Variants in NEBL observed in about 807,000 individuals in gnomAD.
NEBL encodes nebulette.
A neutral mutation model predicts 140.2 loss-of-function variants in NEBL; 122 were observed. That is an observed-to-expected ratio of 0.87 (90% confidence interval 0.75 to 1.01). The LOEUF (loss-of-function observed/expected upper bound fraction) is 1.01. Among genes scored for constraint, NEBL ranks in the 50% least tolerant of loss-of-function variants. The pLI is 0.00. For synonymous variants in NEBL, 436 were observed against 398.9 expected, an observed-to-expected ratio of 1.09 and a Z score of -1.11; for missense variants, 1,365 against 1,231.3, an observed-to-expected ratio of 1.11 and a Z score of -1.62.
intron 21 of NEBL, 156 bp from the exon 22 acceptor site, chr10:20,815,873 A>G (rs576612991): frequency 1.5e-6 from 1 of 653,378 alleles, no homozygotes; most frequent in South Asian, 1.7e-5. Context: ...GGCTCAGGCA[A>G]TCCTCCCACC....
chr10:21,074,050 G>T (rs560781957), intron 2 of NEBL, among the ~76,000 whole-genome samples: 1 of 152,256 alleles, frequency 6.6e-6, no homozygotes, highest in African/African-American at 2.4e-5. Context: ...ACTCCAGCCT[G>T]GGCGACAGAG....
At chr10:21,029,260 A>T in intron 2 of NEBL, 1 of 1,578,918 alleles carries the variant, frequency 6.3e-7, no homozygotes, top group Non-Finnish European at 8.7e-7. Context: ...TATCAACTGG[A>T]GCTTTCTTCC....
chr10:21,262,636 T>C (rs568281140), intron 1 of NEBL, among the ~76,000 whole-genome samples: 1 of 152,288 alleles, frequency 6.6e-6, no homozygotes, highest in African/African-American at 2.4e-5. Context: ...TCACAATTTT[T>C]AAAAGAAATT....
At chr10:21,156,953 T>C (rs1435877113) in intron 2 of NEBL, among the ~76,000 whole-genome samples, 2 of 152,202 alleles carry the variant, frequency 1.3e-5, no homozygotes, top group Non-Finnish European at 2.9e-5. Flanking sequence ...CTTCTTGCCA[T>C]TTGAAACTGA....
At chr10:20,876,882 A>C (rs1845548030) in intron 5 of NEBL, among the ~76,000 whole-genome samples, 1 of 152,228 alleles carries the variant, frequency 6.6e-6, no homozygotes, top group Non-Finnish European at 1.5e-5. Flanking sequence ...TTCTCTAATT[A>C]CATTAGAAAA....
In NEBL at chr10:21,155,309, T is replaced by A. The variant is rs148263288; in HGVS notation, c.164+17074A>T. Among the ~76,000 whole-genome samples, 612 of 152,360 alleles carry A rather than the reference T, an allele frequency of 4.0e-3. 14 individuals are homozygous for A. The East Asian group carries it at 0.059, about 15-fold the overall frequency. On this transcript the variant is annotated intron_variant, in intron 2 of 6. Transcript: ENST00000417816. ...TCCAATTATATTCTATTAGTTATTT[T>A]TAAATGTACAATTAAATTATTATTG...
intron 2 of NEBL, chr10:21,029,207 A>G: frequency 4.2e-6 from 6 of 1,442,866 alleles, no homozygotes; most frequent in Non-Finnish European, 5.8e-6. Flanking sequence ...CCAATTGACC[A>G]TTCCATCCTT....
At chr10:21,003,815 T>C (rs952520922) in intron 3 of NEBL, among the ~76,000 whole-genome samples, 1 of 152,242 alleles carries the variant, frequency 6.6e-6, no homozygotes, top group South Asian at 2.1e-4. Flanking sequence ...TATTCAATTA[T>C]TTTAAGATTT....
chr10:21,033,141 CT>C (rs1249102441), intron 2 of NEBL, among the ~76,000 whole-genome samples: 1 of 152,142 alleles, frequency 6.6e-6, no homozygotes, highest in African/African-American at 2.4e-5. Flanking sequence ...TCGAGCAGCC[CT>C]GTGATTTGTG....
chr10:21,250,372 C>A (rs1478582812), intron 2 of NEBL, among the ~76,000 whole-genome samples: 1 of 152,220 alleles, frequency 6.6e-6, no homozygotes, highest in Non-Finnish European at 1.5e-5. Context: ...CCTGGAACAT[C>A]AGACTCCAAG....
chr10:21,257,428 A>G (rs1842672351), intron 1 of NEBL, among the ~76,000 whole-genome samples: 1 of 152,214 alleles, frequency 6.6e-6, no homozygotes, highest in African/African-American at 2.4e-5. Context: ...AGAATCTTAC[A>G]GCGTTCTCCT....
intron 26 of NEBL, among the ~76,000 whole-genome samples, chr10:20,790,062 A>G (rs1413680419): frequency 6.6e-6 from 1 of 152,036 alleles, no homozygotes; most frequent in African/African-American, 2.4e-5. Context: ...ATAGCAAGAA[A>G]AGAAAGTAAT....
At chr10:20,961,074 T>C (rs772680598) in intron 4 of NEBL, among the ~76,000 whole-genome samples, 57 of 152,320 alleles carry the variant, frequency 3.7e-4, no homozygotes, top group South Asian at 6.2e-4. Context: ...TACCAAAACT[T>C]AGAAGAGCTG....
intron 3 of NEBL, among the ~76,000 whole-genome samples, chr10:21,019,159 C>T (rs1000134764): frequency 6.6e-6 from 1 of 152,232 alleles, no homozygotes; most frequent in African/African-American, 2.4e-5. Flanking sequence ...ATCATTATCA[C>T]CATCATAACA....
At chr10:21,246,091 G>A (rs192651392) in intron 3 of NEBL, among the ~76,000 whole-genome samples, 5 of 152,306 alleles carry the variant, frequency 3.3e-5, no homozygotes, top group South Asian at 2.1e-4. Context: ...GGAGGAGTGC[G>A]CTGTGTGACC....
intron 2 of NEBL, among the ~76,000 whole-genome samples, chr10:21,109,001 G>T (rs550210940): frequency 1.3e-5 from 2 of 152,112 alleles, no homozygotes; most frequent in African/African-American, 4.8e-5. Flanking sequence ...TCTTTCTCTT[G>T]CCCGATTGCC....
At chr10:21,070,242 T>C (rs1008679590) in intron 2 of NEBL, among the ~76,000 whole-genome samples, 2 of 152,204 alleles carry the variant, frequency 1.3e-5, no homozygotes, top group African/African-American at 4.8e-5. Flanking sequence ...CTCAGTTTTG[T>C]GTCTGCTATG....
intron 4 of NEBL, among the ~76,000 whole-genome samples, chr10:20,933,235 T>C (rs566725713): frequency 9.2e-5 from 14 of 152,346 alleles, no homozygotes; most frequent in Admixed American, 5.2e-4. Flanking sequence ...CCCTTTTTTA[T>C]AGTAAATTTA....
chr10:21,206,992 T>TA (rs1289565114), intron 3 of NEBL, among the ~76,000 whole-genome samples: 2 of 138,574 alleles, frequency 1.4e-5, no homozygotes, highest in Non-Finnish European at 3.1e-5. Context: ...TTTTTTTTTT[T>TA]AGACAGAGTC....
Sources: gnomAD v4.1 joint callset for allele counts (sites outside exome capture counted in the v4.1 genomes callset) on GRCh38, gnomAD v4.1.1 for gene constraint, MANE v1.5 for transcripts, NCBI Gene and HGNC (gene_info 2026-07-23, HGNC 2026-07-21) for gene names.